PCSK6: variants seen among roughly 807,000 people sequenced by gnomAD.
PCSK6 encodes the protein paired basic amino acid cleaving enzyme 4.
A neutral mutation model predicts 123.3 loss-of-function variants in PCSK6; 85 were observed. The ratio of observed to expected loss-of-function variants is 0.69; its 90% CI spans 0.58 to 0.83. The LOEUF is 0.83. Ranked by LOEUF, PCSK6 falls within the 40% of genes least tolerant of loss-of-function variation. The pLI, the probability that PCSK6 is intolerant of heterozygous loss-of-function variation, is 0.00. For missense variants in PCSK6, 1,191 were observed against 1,282.3 expected, an observed-to-expected ratio of 0.93 and a Z score of 1.09; for synonymous variants, 508 against 516.0, an observed-to-expected ratio of 0.98 and a Z score of 0.21.
At chr15:101,344,158 A>T (rs1202187533) in intron 13 of PCSK6, among the ~76,000 whole-genome samples, 1 of 152,130 alleles carries the variant, frequency 6.6e-6, no homozygotes, top group Non-Finnish European at 1.5e-5. Flanking sequence ...TTTGACCTAA[A>T]TTGTCAATTG....
intron 13 of PCSK6, among the ~76,000 whole-genome samples, chr15:101,341,166 C>T (rs924410470): frequency 4.6e-5 from 7 of 151,686 alleles, no homozygotes; most frequent in Non-Finnish European, 8.8e-5. Flanking sequence ...AACTCCGAAC[C>T]TCAGGTGATC....
At chr15:101,335,197 C>T (rs1421527580) in intron 13 of PCSK6, among the ~76,000 whole-genome samples, 4 of 152,146 alleles carry the variant, frequency 2.6e-5, no homozygotes, top group South Asian at 2.1e-4. Flanking sequence ...TGAGCTCAAG[C>T]GATCCTCCCA....
At position 101,487,923 on chromosome 15, in the gene PCSK6, G is replaced by C. The variant is rs149390660; in HGVS notation, c.297+1451C>G. Among the ~76,000 whole-genome samples the C allele has an allele frequency of 6.4e-3, 970 of 152,230 alleles. 11 individuals carry two copies. Among genetic ancestry groups the C allele is most frequent in the African/African-American group, 0.022 (933 of 41,512 alleles). On this transcript the variant is annotated intron_variant, in intron 1 of 21. Coordinates refer to ENST00000611716, the MANE Select transcript of PCSK6 (RefSeq NM_002570.5). ...GATATACATGTGCGTATATGTATGT[G>C]TGTATATGTGTATATATGTAACATT...
intron 1 of PCSK6, among the ~76,000 whole-genome samples, chr15:101,457,774 T>C (rs1305118928): frequency 6.6e-6 from 1 of 152,202 alleles, no homozygotes; most frequent in Admixed American, 6.5e-5. Context: ...CCCCTCTGGG[T>C]GTGCAATACC....
chr15:101,312,786 C>G (rs557460160), intron 20 of PCSK6, among the ~76,000 whole-genome samples: 1 of 151,818 alleles, frequency 6.6e-6, no homozygotes, highest in Non-Finnish European at 1.5e-5. Flanking sequence ...GAGCCGAGAT[C>G]GCCCACTGCG....
At chr15:101,385,178 G>A (rs1049117259) in intron 9 of PCSK6, among the ~76,000 whole-genome samples, 14 of 46,954 alleles carry the variant, frequency 3.0e-4, no homozygotes, top group Non-Finnish European at 4.7e-4. Flanking sequence ...CACCACACCC[G>A]GCTAATTTTT....
Position 101,307,330 on chromosome 15 carries a change from G to T in PCSK6, c.2700-5C>A. 1 of 1,607,392 alleles carries T rather than the reference G, an allele frequency of 6.2e-7. No individual in the cohort carries two copies. Among genetic ancestry groups the T allele is most frequent in the Non-Finnish European group, 8.5e-7 (1 of 1,175,424 alleles). ...CTCAAGCAGTTCTCGTCACACCTGT[G>T]GGAAGATACCGTTCCTGCTGAAGTC... is the stretch of plus-strand genomic sequence containing the variant. On this transcript the variant is annotated splice_polypyrimidine_tract_variant and splice_region_variant and intron_variant, in intron 20 of 21. Transcript: ENST00000611716.
chr15:101,405,761 TCAGA>T (rs2042757494), intron 6 of PCSK6, among the ~76,000 whole-genome samples: 1 of 151,942 alleles, frequency 6.6e-6, no homozygotes, highest in South Asian at 2.1e-4. Flanking sequence ...ATTTTTTTTT[TCAGA>T]CAGAGTCTCC....
chr15:101,458,439 C>T (rs376739447), intron 1 of PCSK6, among the ~76,000 whole-genome samples: 7 of 152,120 alleles, frequency 4.6e-5, no homozygotes, highest in South Asian at 2.1e-4. Context: ...ACTGGACCCC[C>T]GGGCTGTACA....
chr15:101,442,426 A>C (rs750296502), intron 2 of PCSK6, among the ~76,000 whole-genome samples: 7 of 152,076 alleles, frequency 4.6e-5, no homozygotes, highest in Admixed American at 1.3e-4. Context: ...CTCCATGGGG[A>C]CCACTTCCTC....
chr15:101,414,405 C>T (rs2055813498), intron 6 of PCSK6, among the ~76,000 whole-genome samples: 1 of 152,096 alleles, frequency 6.6e-6, no homozygotes, highest in African/African-American at 2.4e-5. Flanking sequence ...ATTAATTAGA[C>T]TTTATACTTA....
chr15:101,468,911 A>G (rs1289468485), intron 1 of PCSK6, among the ~76,000 whole-genome samples: 1 of 152,226 alleles, frequency 6.6e-6, no homozygotes, highest in African/African-American at 2.4e-5. Flanking sequence ...TATTTTGGCA[A>G]TGATTGTTGC....
intron 2 of PCSK6, among the ~76,000 whole-genome samples, chr15:101,438,075 A>G (rs1399004004): frequency 6.6e-6 from 1 of 152,116 alleles, no homozygotes; most frequent in African/African-American, 2.4e-5. Context: ...GAAGAAACCA[A>G]CCCTGCCAAC....
chr15:101,467,869 A>G (rs554529154), intron 1 of PCSK6, among the ~76,000 whole-genome samples: 1 of 152,322 alleles, frequency 6.6e-6, no homozygotes, highest in South Asian at 2.1e-4. Context: ...CCACGCGGAC[A>G]GTGGCTTCCT....
At chr15:101,322,331 T>C (rs79863911) in intron 18 of PCSK6, among the ~76,000 whole-genome samples, 189 bp downstream of exon 18, 3,366 of 152,192 alleles carry the variant, frequency 0.022, 129 homozygotes, top group African/African-American at 0.077. Flanking sequence ...AATGTAGAGA[T>C]TCCGCCCATC....
chr15:101,489,162 C>G (rs1392199725), intron 1 of PCSK6, among the ~76,000 whole-genome samples: 2 of 88,270 alleles, frequency 2.3e-5, no homozygotes, highest in African/African-American at 8.2e-5. Flanking sequence ...ACCCCAGTCC[C>G]CCCCACCCCG....
chr15:101,394,823 C>T (rs1038001958), intron 7 of PCSK6, among the ~76,000 whole-genome samples: 1 of 152,210 alleles, frequency 6.6e-6, no homozygotes, highest in African/African-American at 2.4e-5. Context: ...CAAGAAAGCC[C>T]ACAGGAAAGT....
At chr15:101,321,929 T>C (rs918344748) in intron 18 of PCSK6, among the ~76,000 whole-genome samples, 2 of 152,270 alleles carry the variant, frequency 1.3e-5, no homozygotes, top group Non-Finnish European at 2.9e-5. Context: ...TAATGTATAT[T>C]TGATTGCATT....
At chr15:101,344,727 T>G (rs866672989) in intron 13 of PCSK6, among the ~76,000 whole-genome samples, 43 of 152,244 alleles carry the variant, frequency 2.8e-4, no homozygotes, top group Admixed American at 1.8e-3. Context: ...ACTTGGCTCA[T>G]TCCAACCTCT....
Sources: allele counts gnomAD v4.1 joint callset (sites outside exome capture counted in the v4.1 genomes callset), GRCh38; gene constraint gnomAD v4.1.1; transcripts MANE v1.5; gene names NCBI Gene and HGNC (gene_info 2026-07-23, HGNC 2026-07-21).